The following TMEFF2 variants were observed in gnomAD, a reference collection of about 807,000 sequenced individuals.
The protein encoded by TMEFF2 is tomoregulin-2.
A neutral mutation model predicts 53.8 loss-of-function variants in TMEFF2; 28 were observed. The ratio of observed to expected loss-of-function variants is 0.52; its 90% CI spans 0.39 to 0.71. The LOEUF (loss-of-function observed/expected upper bound fraction) is 0.71, where lower values mean the gene tolerates loss of function less well. Among genes scored for constraint, TMEFF2 ranks in the 30% least tolerant of loss-of-function variants. TMEFF2 has a pLI of 0.00. For synonymous variants in TMEFF2, 162 were observed against 166.3 expected, an observed-to-expected ratio of 0.97 and a Z score of 0.20; for missense variants, 353 against 455.2, an observed-to-expected ratio of 0.78 and a Z score of 2.04.
chr2:192,016,030 A>G (rs1477319282), intron 5 of TMEFF2, among the ~76,000 whole-genome samples: 1 of 152,208 alleles, frequency 6.6e-6, no homozygotes, highest in Non-Finnish European at 1.5e-5. Flanking sequence ...TATCTATTCA[A>G]TGCCTTGGGT....
At position 192,194,596 on chromosome 2, in the gene TMEFF2, G is replaced by A; in HGVS notation, c.-72C>T. ...CAGGATCGCGGGGGCCGGGCAGCGG[G>A]CTACTGAGCATCCCGCGGACGGCGG... is the stretch of plus-strand genomic sequence containing the variant. On this transcript the variant is annotated 5_prime_UTR_variant, in exon 1 of 10. Transcript: ENST00000272771. The surrounding 1 kb of genome is among the most constrained non-coding windows in gnomAD (Gnocchi z 4.2). The A allele has an allele frequency of 1.9e-6, 3 of 1,545,252 alleles. No individual in the cohort carries two copies. Among genetic ancestry groups the A allele is most frequent in the Non-Finnish European group, 2.6e-6 (3 of 1,135,948 alleles).
intron 5 of TMEFF2, among the ~76,000 whole-genome samples, chr2:192,048,158 A>T (rs1687669669): frequency 6.7e-6 from 1 of 148,176 alleles, no homozygotes; most frequent in Admixed American, 6.7e-5. Flanking sequence ...GCTCAAACGA[A>T]TTTTTTTTTT....
intron 4 of TMEFF2, among the ~76,000 whole-genome samples, chr2:192,061,394 T>TA (rs113096798): frequency 8.6e-5 from 13 of 151,918 alleles, no homozygotes; most frequent in African/African-American, 2.7e-4. Context: ...TAAAAAATAA[T>TA]AAAAAAATAA....
chr2:192,185,951 AC>A (rs1416074066), intron 2 of TMEFF2, among the ~76,000 whole-genome samples: 3 of 152,140 alleles, frequency 2.0e-5, no homozygotes, highest in Non-Finnish European at 4.4e-5. Flanking sequence ...AAATGGTATG[AC>A]AGTCATATTA....
At chr2:191,988,549 G>A (rs977420199) in intron 7 of TMEFF2, among the ~76,000 whole-genome samples, 2 of 152,168 alleles carry the variant, frequency 1.3e-5, no homozygotes, top group African/African-American at 4.8e-5. Flanking sequence ...TCGCTTGTTC[G>A]TTTAAAGTCT....
chr2:192,028,808 C>CA (rs1319139279), intron 5 of TMEFF2: 1 of 151,964 alleles, frequency 6.6e-6, no homozygotes, highest in South Asian at 2.1e-4. Context: ...AAATTAGATG[C>CA]TCTTATATTT....
At chr2:192,152,680 A>G (rs149433578) in intron 4 of TMEFF2, among the ~76,000 whole-genome samples, 527 of 152,080 alleles carry the variant, frequency 3.5e-3, no homozygotes, top group East Asian at 0.011. Context: ...TAGAAAAAAG[A>G]CAATTATTTA....
intron 5 of TMEFF2, among the ~76,000 whole-genome samples, 191 bp downstream of exon 5, chr2:192,057,488 A>C (rs1378657627): frequency 6.6e-6 from 1 of 151,968 alleles, no homozygotes; most frequent in Non-Finnish European, 1.5e-5. Flanking sequence ...AATGCCATGG[A>C]TAGCTGCTTG....
intron 5 of TMEFF2, among the ~76,000 whole-genome samples, chr2:192,014,598 C>T (rs974600918): frequency 5.3e-5 from 8 of 152,110 alleles, no homozygotes; most frequent in Admixed American, 5.2e-4. Context: ...TGCTGTAAGC[C>T]TTTCCCAACT....
At chr2:191,976,748 G>A (rs1469546500) in intron 7 of TMEFF2, among the ~76,000 whole-genome samples, 1 of 152,178 alleles carries the variant, frequency 6.6e-6, no homozygotes, top group Non-Finnish European at 1.5e-5. Flanking sequence ...CAGGACTTAG[G>A]CCCAGACTCC....
intron 5 of TMEFF2, among the ~76,000 whole-genome samples, chr2:192,023,015 T>A (rs1686891842): frequency 6.6e-6 from 1 of 152,162 alleles, no homozygotes; most frequent in Non-Finnish European, 1.5e-5. Context: ...TCTTTTTTTT[T>A]ACTTGCTTAT....
chr2:192,129,377 A>C (rs910274954), intron 4 of TMEFF2, among the ~76,000 whole-genome samples: 3 of 151,998 alleles, frequency 2.0e-5, no homozygotes, highest in Non-Finnish European at 4.4e-5. Flanking sequence ...TAGAAAAAAA[A>C]AAAAAGAGCA....
At chr2:192,022,988 C>T (rs1686890351) in intron 5 of TMEFF2, among the ~76,000 whole-genome samples, 2 of 151,992 alleles carry the variant, frequency 1.3e-5, no homozygotes, top group African/African-American at 4.8e-5. Flanking sequence ...ATAGAAAAGA[C>T]ATTGAAGATT....
chr2:192,184,283 C>A, intron 3 of TMEFF2, 71 bp downstream of exon 3: 1 of 1,569,176 alleles, frequency 6.4e-7, no homozygotes, highest in Non-Finnish European at 8.7e-7. Context: ...TGGGAGATAA[C>A]AAGAAATGAA....
At chr2:192,005,965 T>C (rs2105844047) in intron 5 of TMEFF2, among the ~76,000 whole-genome samples, 1 of 152,052 alleles carries the variant, frequency 6.6e-6, no homozygotes, top group East Asian at 1.9e-4. Context: ...TGAAAATGCA[T>C]TGAAAAATTA....
intron 4 of TMEFF2, among the ~76,000 whole-genome samples, chr2:192,146,243 G>A (rs1559145921): frequency 1.3e-5 from 2 of 152,022 alleles, no homozygotes; most frequent in East Asian, 1.9e-4. Flanking sequence ...TAGGCTACTG[G>A]CCAATAAAAA....
intron 4 of TMEFF2, among the ~76,000 whole-genome samples, chr2:192,146,756 T>C (rs911795992): frequency 6.6e-6 from 1 of 152,082 alleles, no homozygotes; most frequent in African/African-American, 2.4e-5. Flanking sequence ...ATAAAAATAC[T>C]GGCCAGAGAA....
intron 9 of TMEFF2, among the ~76,000 whole-genome samples, chr2:191,952,887 A>C (rs1234057305): frequency 6.6e-6 from 1 of 152,228 alleles, no homozygotes; most frequent in Non-Finnish European, 1.5e-5. Flanking sequence ...AAATCTTAAA[A>C]ACTTCCTTGG....
chr2:192,051,669 C>T (rs1194232748), intron 5 of TMEFF2, among the ~76,000 whole-genome samples: 1 of 152,150 alleles, frequency 6.6e-6, no homozygotes, highest in Non-Finnish European at 1.5e-5. Flanking sequence ...CATCCATGGC[C>T]ATTGCCCCAC....
Sources: gnomAD v4.1 joint callset for allele counts (sites outside exome capture counted in the v4.1 genomes callset) on GRCh38, gnomAD v4.1.1 for gene constraint, Gnocchi (gnomAD v3.1) non-coding constraint, MANE v1.5 for transcripts, NCBI Gene and HGNC (gene_info 2026-07-23, HGNC 2026-07-21) for gene names.